The following TMEM181 variants were observed in gnomAD, a reference collection of about 807,000 sequenced individuals.
The protein encoded by TMEM181 is transmembrane protein 181.
In TMEM181, 39 loss-of-function variants were observed where a neutral mutation model predicts 71.9. The observed-to-expected ratio is 0.54, with a 90% CI of 0.42 to 0.71. The LOEUF (loss-of-function observed/expected upper bound fraction) is 0.71. Among genes scored for constraint, TMEM181 ranks in the 30% least tolerant of loss-of-function variants. The pLI, the probability that TMEM181 is intolerant of heterozygous loss-of-function variation, is 0.00. For synonymous variants in TMEM181, 245 were observed against 228.8 expected, an observed-to-expected ratio of 1.07 and a Z score of -0.64; for missense variants, 595 against 583.0, an observed-to-expected ratio of 1.02 and a Z score of -0.21.
chr6:158,629,928 C>T, intron 15 of TMEM181, 109 bp downstream of exon 15: 2 of 901,678 alleles, frequency 2.2e-6, no homozygotes, highest in South Asian at 2.7e-5. Context: ...CTGTGATTCC[C>T]AGTGACTTCT....
chr6:158,562,767 A>G (rs376663830), intron 1 of TMEM181, among the ~76,000 whole-genome samples: 23 of 152,290 alleles, frequency 1.5e-4, no homozygotes, highest in African/African-American at 5.5e-4. Context: ...GACCAAAATG[A>G]TCTCTAGAAA....
At chr6:158,570,030 C>T (rs1378916244) in intron 1 of TMEM181, among the ~76,000 whole-genome samples, 1 of 152,154 alleles carries the variant, frequency 6.6e-6, no homozygotes, top group Non-Finnish European at 1.5e-5. Context: ...CTGGTTTTCT[C>T]TGCTTCCAAG....
At position 158,632,103 on chromosome 6, in the gene TMEM181, A is replaced by T; in HGVS notation, c.*215A>T. On this transcript the variant is annotated 3_prime_UTR_variant, in exon 17 of 17. Coordinates refer to ENST00000684151, the MANE Select transcript of TMEM181 (RefSeq NM_001376852.1). ...GTGGCTACGAGAAGAGGCATTGATA[A>T]CAAGTTTCAACAGCCAAATCCTTTT... 1 of 536,994 alleles carries T rather than the reference A, an allele frequency of 1.9e-6. No individual in the cohort carries two copies. Among genetic ancestry groups the T allele is most frequent in the South Asian group, 2.5e-5 (1 of 40,080 alleles). 33.3% of individuals were successfully genotyped at this position (536,994 alleles called of 1,614,324 possible).
intron 6 of TMEM181, among the ~76,000 whole-genome samples, chr6:158,599,247 T>G (rs941352671): frequency 3.9e-5 from 6 of 152,168 alleles, no homozygotes; most frequent in Non-Finnish European, 8.8e-5. Context: ...GAGGACAAGG[T>G]TGTGCTCAGC....
At chr6:158,631,446 C>T (rs1346014962) in intron 16 of TMEM181, 57 bp downstream of exon 16, 41 of 1,554,402 alleles carry the variant, frequency 2.6e-5, no homozygotes, top group Non-Finnish European at 3.3e-5. Context: ...CACGGCCTTG[C>T]ATGTTTCTGA....
In TMEM181 at chr6:158,629,769, A is replaced by G. The variant is rs200662769; in HGVS notation, c.1232A>G (p.Tyr411Cys). The G allele has an allele frequency of 2.4e-5, 38 of 1,613,360 alleles. No individual in the cohort carries two copies. The highest frequency in any genetic ancestry group is 9.4e-5 in the African/African-American group (7 of 74,848). ...FLSFYGLLNF[Y>C]LYTLAFVYSP... ...TCTTTCTATGGCCTGTTGAACTTCT[A>G]TCTCTACACCTTGGCCTTTGTATAT... Residue 411 changes from tyrosine to cysteine, a missense_variant, in exon 15 of 17, where the codon TAT becomes TGT. Coordinates refer to ENST00000684151, the MANE Select transcript of TMEM181 (RefSeq NM_001376852.1).
chr6:158,628,346 C>T, intron 13 of TMEM181, 62 bp from the exon 14 acceptor site: 3 of 1,508,472 alleles, frequency 2.0e-6, no homozygotes, highest in East Asian at 2.3e-5. Context: ...AGAGAATTCT[C>T]TGAAGCTAGT....
intron 10 of TMEM181, among the ~76,000 whole-genome samples, chr6:158,616,451 T>C (rs1053421231): frequency 1.3e-5 from 2 of 152,102 alleles, no homozygotes; most frequent in African/African-American, 4.8e-5. Flanking sequence ...TTGACTTCCT[T>C]TTTTCCTAAT....
chr6:158,610,636 G>T, intron 10 of TMEM181: 1 of 318,194 alleles, frequency 3.1e-6, no homozygotes, highest in Non-Finnish European at 5.9e-6. Flanking sequence ...TTCTGGAGAA[G>T]TGAAATGAGT....
Position 158,596,147 on chromosome 6 carries a change from C to A in TMEM181, c.492+6365C>A, listed in dbSNP as rs948483330. On this transcript the variant is annotated intron_variant, in intron 6 of 16. Coordinates refer to ENST00000684151, the MANE Select transcript of TMEM181 (RefSeq NM_001376852.1). ...GCGTTAGCCAGGATGGTCTTGATCT[C>A]CTGACCTCATGATCCGCCCGCCTAG... Among the ~76,000 whole-genome samples the A allele has an allele frequency of 2.6e-5, 4 of 152,118 alleles. No individual in the cohort carries two copies. The East Asian group carries it at 7.7e-4, about 29-fold the overall frequency.
intron 3 of TMEM181, among the ~76,000 whole-genome samples, chr6:158,582,848 T>A (rs1270827751): frequency 6.6e-6 from 1 of 152,146 alleles, no homozygotes; most frequent in Admixed American, 6.5e-5. Context: ...TCATCACCTC[T>A]AATTTTTCTC....
At position 158,623,580 on chromosome 6, in the gene TMEM181, G is replaced by A; in HGVS notation, c.927G>A (p.Gln309=). 1 of 1,583,294 alleles carries A rather than the reference G, an allele frequency of 6.3e-7. No individual in the cohort carries two copies. Among genetic ancestry groups the A allele is most frequent in the South Asian group, 1.2e-5 (1 of 84,286 alleles). The change falls in exon 11 of 17, where the codon CAG becomes CAA. Residue 309 remains glutamine (Q), a synonymous_variant. Coordinates refer to ENST00000684151, the MANE Select transcript of TMEM181 (RefSeq NM_001376852.1). ...TVNELHDPMY[Q]YRVDTGNFQG... is the part of the protein sequence containing the mutation. ...ACGAATTACATGATCCAATGTACCA[G>A]TATCGAGTTGATACCGGAAATTTTC...
chr6:158,600,884 T>TA (rs1352700250), intron 6 of TMEM181, among the ~76,000 whole-genome samples: 2 of 152,236 alleles, frequency 1.3e-5, no homozygotes, highest in African/African-American at 2.4e-5. Context: ...TCTTAAGAGT[T>TA]ACGGTTCCTT....
chr6:158,585,291 T>C lies in TMEM181; in HGVS notation c.260-13T>C. 4 of 1,591,950 alleles carry C rather than the reference T, an allele frequency of 2.5e-6. No homozygotes were observed. Among genetic ancestry groups the C allele is most frequent in the Non-Finnish European group, 3.4e-6 (4 of 1,170,694 alleles). On this transcript the variant is annotated splice_polypyrimidine_tract_variant and intron_variant, in intron 4 of 16. Coordinates refer to ENST00000684151, the MANE Select transcript of TMEM181 (RefSeq NM_001376852.1). ...TGGCATGGTCTCTAACACTGAATTT[T>C]TTTCTTTTGTAGAAACTTCTATTAA...
chr6:158,586,019 T>C (rs1783750074), intron 5 of TMEM181, among the ~76,000 whole-genome samples: 1 of 152,192 alleles, frequency 6.6e-6, no homozygotes. Context: ...TGACTGAGGC[T>C]TTGGGTTGTT....
intron 1 of TMEM181, among the ~76,000 whole-genome samples, chr6:158,564,285 C>T (rs1333544196): frequency 6.6e-6 from 1 of 152,198 alleles, no homozygotes; most frequent in Non-Finnish European, 1.5e-5. Flanking sequence ...CCTCCACATT[C>T]TGGGTGTGCA....
intron 6 of TMEM181, among the ~76,000 whole-genome samples, chr6:158,594,392 C>T (rs954295491): frequency 6.6e-6 from 1 of 152,008 alleles, no homozygotes; most frequent in Admixed American, 6.6e-5. Context: ...AGCCACTGTG[C>T]CAGGCCATGG....
At position 158,631,408 on chromosome 6, in the gene TMEM181, G is replaced by C. The variant is rs548303284; in HGVS notation, c.1349+19G>C. On this transcript the variant is annotated intron_variant, in intron 16 of 16. Transcript: ENST00000684151. ...TTTATGGGTAAGTCCCTGTCCGTTA[G>C]AAGGCCGGCACACCTTGGGCATCCC... 9 of 1,613,782 alleles carry C rather than the reference G, an allele frequency of 5.6e-6. No individual in the cohort carries two copies. The highest frequency in any genetic ancestry group is 7.6e-6 in the Non-Finnish European group (9 of 1,179,818).
intron 13 of TMEM181, among the ~76,000 whole-genome samples, chr6:158,626,027 T>C (rs372321483): frequency 6.6e-5 from 10 of 152,222 alleles, no homozygotes; most frequent in East Asian, 5.8e-4. Flanking sequence ...CCACCTGCTA[T>C]GTGTGCAGCG....
Sources: allele counts gnomAD v4.1 joint callset (sites outside exome capture counted in the v4.1 genomes callset), GRCh38; gene constraint gnomAD v4.1.1; transcripts MANE v1.5; gene names NCBI Gene and HGNC (gene_info 2026-07-23, HGNC 2026-07-21).